The following AGPAT5 variants were observed in gnomAD, a reference collection of about 807,000 sequenced individuals.
AGPAT5 encodes 1-acylglycerol-3-phosphate O-acyltransferase 5, also known as 1-acyl-sn-glycerol-3-phosphate acyltransferase epsilon.
A neutral mutation model predicts 45.6 loss-of-function variants in AGPAT5; 46 were observed. The ratio of observed to expected loss-of-function variants is 1.01; its 90% CI spans 0.80 to 1.29. The LOEUF (loss-of-function observed/expected upper bound fraction) is 1.29. Ranked by LOEUF, AGPAT5 falls within the 50% of genes most tolerant of loss-of-function variation. AGPAT5 has a pLI of 0.00. For missense variants in AGPAT5, 673 were observed against 450.7 expected, an observed-to-expected ratio of 1.49 and a Z score of -4.47; for synonymous variants, 272 against 167.0, an observed-to-expected ratio of 1.63 and a Z score of -4.85.
intron 6 of AGPAT5, among the ~76,000 whole-genome samples, chr8:6,749,514 C>T (rs1411853101): frequency 6.6e-6 from 1 of 152,166 alleles, no homozygotes; most frequent in Non-Finnish European, 1.5e-5. Context: ...TTGCTTTCCA[C>T]CCTGCTACCT....
intron 1 of AGPAT5, among the ~76,000 whole-genome samples, chr8:6,718,361 G>A (rs1563283862): frequency 1.3e-5 from 2 of 152,176 alleles, no homozygotes; most frequent in Non-Finnish European, 2.9e-5. Context: ...CTGAGAGGAC[G>A]CAGCTGTGAT....
chr8:6,718,593 G>A (rs558598629), intron 1 of AGPAT5, among the ~76,000 whole-genome samples: 1 of 152,170 alleles, frequency 6.6e-6, no homozygotes, highest in Non-Finnish European at 1.5e-5. Flanking sequence ...ATTTTACTGG[G>A]CAAGACTATG....
rs1422274071 is a variant in AGPAT5 at position 6,757,230 on chromosome 8, A to C, written c.937A>C (p.Asn313His). 3 of 1,614,210 alleles carry C rather than the reference A, an allele frequency of 1.9e-6. No individual in the cohort carries two copies. The highest frequency in any genetic ancestry group is 2.5e-6 in the Non-Finnish European group (3 of 1,180,016). The change falls in exon 8 of 8, where the codon AAT (asparagine) becomes CAT (histidine). Residue 313 changes from asparagine (N) to histidine (H), a missense_variant. Asn to His is a moderately conservative substitution (Grantham distance 68, BLOSUM62 1). Transcript: ENST00000285518. ...AAAAAGATTTCCTGGGAAAAGTGTTAATTCCAAATTAAGTATCAAGAAGAC... is the reference window on the plus strand; with the variant it reads ...AAAAAGATTTCCTGGGAAAAGTGTTCATTCCAAATTAAGTATCAAGAAGAC... ...RRKRFPGKSV[N>H]SKLSIKKTLP...
At chr8:6,730,046 A>G (rs1330839546) in intron 2 of AGPAT5, among the ~76,000 whole-genome samples, 1 of 151,452 alleles carries the variant, frequency 6.6e-6, no homozygotes, top group Non-Finnish European at 1.5e-5. Flanking sequence ...TTTAGTGGCA[A>G]TTCATAGTTG....
rs542735772 is a variant in AGPAT5, at chr8:6,760,468, G to A, written c.*3080G>A. Among the ~76,000 whole-genome samples, 1 of 151,940 alleles carries A rather than the reference G, an allele frequency of 6.6e-6. No individual in the cohort carries two copies. The highest frequency in any genetic ancestry group is 6.6e-5 in the Admixed American group (1 of 15,248). ...TAGACACACAGTAACTCCCAGATAT[G>A]TACCACAAAAAATGTGAAAAGAGAG... On this transcript the variant is annotated 3_prime_UTR_variant, in exon 8 of 8. Coordinates refer to ENST00000285518, the MANE Select transcript of AGPAT5 (RefSeq NM_018361.5).
Position 6,750,951 on chromosome 8 carries a change from G to A in AGPAT5, c.745+3123G>A, listed in dbSNP as rs192040651. ...CTGAGACATTATTCAACATGTATAC[G>A]TGTGCACATAAGATATAATAATAAC... On this transcript the variant is annotated intron_variant, in intron 6 of 7. Transcript: ENST00000285518. 1.4e-4 allele frequency among the ~76,000 whole-genome samples: 22 copies of A among 152,022 alleles called. 1 individual carries two copies. In the East Asian group the frequency reaches 1.9e-3, roughly 13 times the overall value.
At chr8:6,715,738 ACTGAAATT>A (rs1373639177) in intron 1 of AGPAT5, among the ~76,000 whole-genome samples, 2 of 152,226 alleles carry the variant, frequency 1.3e-5, no homozygotes, top group Non-Finnish European at 2.9e-5. Context: ...ATAGGATAAC[ACTGAAATT>A]AGAGACGTGT....
chr8:6,712,105 G>C (rs1800175437), intron 1 of AGPAT5, among the ~76,000 whole-genome samples: 1 of 152,112 alleles, frequency 6.6e-6, no homozygotes, highest in Non-Finnish European at 1.5e-5. Flanking sequence ...AGTTTAACTT[G>C]CCTTATTTCT....
chr8:6,709,081 T>G (rs981667260), intron 1 of AGPAT5, 194 bp downstream of exon 1: 2 of 681,920 alleles, frequency 2.9e-6, no homozygotes, highest in Non-Finnish European at 2.6e-6. Context: ...TAGGAAGCTG[T>G]GGCTGCGTCG....
chr8:6,732,290 G>T (rs1800890247), intron 3 of AGPAT5, among the ~76,000 whole-genome samples: 1 of 152,176 alleles, frequency 6.6e-6, no homozygotes, highest in African/African-American at 2.4e-5. Flanking sequence ...ATTTAAGAAA[G>T]AAAGCATTTT....
At chr8:6,714,680 T>G (rs570233649) in intron 1 of AGPAT5, among the ~76,000 whole-genome samples, 1 of 152,372 alleles carries the variant, frequency 6.6e-6, no homozygotes, top group East Asian at 1.9e-4. Context: ...AACTTTAGAT[T>G]TCTTCCAAGA....
intron 1 of AGPAT5, among the ~76,000 whole-genome samples, chr8:6,722,565 C>T (rs770308895): frequency 1.3e-5 from 2 of 152,000 alleles, no homozygotes; most frequent in East Asian, 1.9e-4. Flanking sequence ...CTTTAGATGC[C>T]GTATGACTAC....
rs1801964303 is a variant in AGPAT5 at position 6,759,648 on chromosome 8, A to G, written c.*2260A>G. 6.6e-6 allele frequency: 1 copy of G among 152,112 alleles called. No homozygotes were observed. Among genetic ancestry groups the G allele is most frequent in the Non-Finnish European group, 1.5e-5 (1 of 68,022 alleles). 9.4% of individuals were successfully genotyped at this position (152,112 alleles called of 1,614,324 possible). A position where few individuals can be genotyped will look rare whatever the true frequency, so the allele number is the denominator to read the frequency against. ...GGATGAAAGTAAAAAAAAAAATAAAATCTTTCACTGTCTCTAATGGCTGTG... is the reference window on the plus strand; with the variant it reads ...GGATGAAAGTAAAAAAAAAAATAAAGTCTTTCACTGTCTCTAATGGCTGTG... On this transcript the variant is annotated 3_prime_UTR_variant, in exon 8 of 8. Transcript: ENST00000285518.
chr8:6,753,128 C>T (rs1001805456), intron 6 of AGPAT5, among the ~76,000 whole-genome samples: 10 of 152,234 alleles, frequency 6.6e-5, no homozygotes, highest in Non-Finnish European at 1.5e-4. Flanking sequence ...AGCACATGTA[C>T]GTTTTAGGAA....
chr8:6,741,566 A>G (rs1801246097), intron 4 of AGPAT5, 95 bp from the exon 5 acceptor site: 1 of 782,384 alleles, frequency 1.3e-6, no homozygotes, highest in South Asian at 1.9e-5. Context: ...TGTAGGAAAT[A>G]CTCTGTTAGC....
rs908568858 is a variant in AGPAT5 at position 6,730,707 on chromosome 8, G to T, written c.290-4G>T. 6.2e-6 allele frequency: 10 copies of T among 1,605,526 alleles called. No homozygotes were observed. Among genetic ancestry groups the T allele is most frequent in the Admixed American group, 1.7e-5 (1 of 59,916 alleles). On this transcript the variant is annotated splice_polypyrimidine_tract_variant and splice_region_variant and intron_variant, in intron 2 of 7. Coordinates refer to ENST00000285518, the MANE Select transcript of AGPAT5 (RefSeq NM_018361.5). ...TACGCGCTAACTGGGTCCTGTCTCTGCAGTTGACTGGATTGTTGCTGACAT... is the reference window on the plus strand; with the variant it reads ...TACGCGCTAACTGGGTCCTGTCTCTTCAGTTGACTGGATTGTTGCTGACAT...
At chr8:6,743,086 C>T (rs1270165636) in intron 5 of AGPAT5, among the ~76,000 whole-genome samples, 1 of 152,202 alleles carries the variant, frequency 6.6e-6, no homozygotes, top group Non-Finnish European at 1.5e-5. Context: ...TTGAAATTCT[C>T]TCCCTAGACT....
intron 6 of AGPAT5, among the ~76,000 whole-genome samples, chr8:6,751,778 C>A (rs188546657): frequency 6.6e-6 from 1 of 152,048 alleles, no homozygotes; most frequent in Non-Finnish European, 1.5e-5. Flanking sequence ...TAAGGACAAC[C>A]TTTGGTATTC....
In AGPAT5 at chr8:6,757,234, C is replaced by A. The variant is rs1801875563; in HGVS notation, c.941C>A (p.Ser314Tyr). The change falls in exon 8 of 8, where the codon TCC becomes TAC. Residue 314 changes from serine (S) to tyrosine (Y), a missense_variant. Physicochemically the swap from Ser to Tyr is moderately radical, Grantham distance 144. Transcript: ENST00000285518. Reference protein sequence around the residue: ...RKRFPGKSVNSKLSIKKTLPS... With the variant: ...RKRFPGKSVNYKLSIKKTLPS... ...AGATTTCCTGGGAAAAGTGTTAATTCCAAATTAAGTATCAAGAAGACTTTA... is the reference window on the plus strand; with the variant it reads ...AGATTTCCTGGGAAAAGTGTTAATTACAAATTAAGTATCAAGAAGACTTTA... 3 of 1,614,124 alleles carry A rather than the reference C, an allele frequency of 1.9e-6. No individual in the cohort carries two copies. The highest frequency in any genetic ancestry group is 1.7e-4 in the Middle Eastern group (1 of 6,060).
Sources: gnomAD v4.1 joint callset for allele counts (sites outside exome capture counted in the v4.1 genomes callset) on GRCh38, gnomAD v4.1.1 for gene constraint, MANE v1.5 for transcripts, NCBI Gene and HGNC (gene_info 2026-07-23, HGNC 2026-07-21) for gene names.